Variants in RPTOR observed in about 807,000 individuals in gnomAD.
The protein encoded by RPTOR is regulatory associated protein of MTOR complex 1.
Under a neutral mutation model 169.9 loss-of-function variants are expected in RPTOR, and 21 were observed. The observed-to-expected ratio is 0.12, with a 90% CI of 0.09 to 0.18. RPTOR has a LOEUF of 0.18. Ranked by LOEUF, RPTOR falls within the 10% of genes least tolerant of loss-of-function variation. The pLI is 1.00. For synonymous variants in RPTOR, 732 were observed against 753.2 expected, an observed-to-expected ratio of 0.97 and a Z score of 0.46; for missense variants, 1,133 against 1,855.9, an observed-to-expected ratio of 0.61 and a Z score of 7.16.
intron 3 of RPTOR, among the ~76,000 whole-genome samples, chr17:80,669,539 C>G (rs567953533): frequency 2.6e-5 from 4 of 152,224 alleles, no homozygotes; most frequent in Admixed American, 2.6e-4. Context: ...CGTGCGCCAC[C>G]ATGCCCGGCT....
At chr17:80,691,605 C>T (rs9906827) in intron 3 of RPTOR, among the ~76,000 whole-genome samples, 62,106 of 152,050 alleles carry the variant, frequency 0.41, 13,265 homozygotes, top group East Asian at 0.57. Context: ...GCAGTTCTCG[C>T]GGTCCTCAAT....
intron 24 of RPTOR, among the ~76,000 whole-genome samples, chr17:80,931,428 G>T (rs963750096): frequency 6.6e-6 from 1 of 152,228 alleles, no homozygotes; most frequent in Non-Finnish European, 1.5e-5. Flanking sequence ...TGGACCAATG[G>T]AGAATCTCAA....
chr17:80,890,924 G>A (rs577634969), intron 17 of RPTOR, among the ~76,000 whole-genome samples: 5 of 152,198 alleles, frequency 3.3e-5, no homozygotes, highest in African/African-American at 7.2e-5. Flanking sequence ...GGCGTCACGC[G>A]ACTAGCAAGG....
intron 5 of RPTOR, among the ~76,000 whole-genome samples, chr17:80,739,884 C>A (rs1378349196): frequency 1.3e-5 from 2 of 151,692 alleles, no homozygotes; most frequent in African/African-American, 4.8e-5. Flanking sequence ...ATTCCTACTT[C>A]AAGAAATTGG....
At chr17:80,674,312 C>T (rs562358456) in intron 3 of RPTOR, among the ~76,000 whole-genome samples, 1 of 152,212 alleles carries the variant, frequency 6.6e-6, no homozygotes, top group South Asian at 2.1e-4. Flanking sequence ...AACATGAAAA[C>T]CCTTTGTACA....
intron 3 of RPTOR, among the ~76,000 whole-genome samples, chr17:80,689,157 G>A (rs895798918): frequency 3.3e-5 from 5 of 152,214 alleles, no homozygotes; most frequent in African/African-American, 1.2e-4. Flanking sequence ...TAAAGTGACA[G>A]GACTACCTTA....
At position 80,844,874 on chromosome 17, in the gene RPTOR, C is replaced by G. The variant is rs1482486706; in HGVS notation, c.1213-1599C>G. Reference sequence around the variant, plus strand: ...GGGAGGGTTCCTCCCGACCTCCTCTCAGAGACACGCACCTCCACTGCGGCC... The same window carrying G: ...GGGAGGGTTCCTCCCGACCTCCTCTGAGAGACACGCACCTCCACTGCGGCC... On this transcript the variant is annotated intron_variant, in intron 10 of 33. Transcript: ENST00000306801. This position sits in a 1 kb window ranked among gnomAD's most constrained non-coding sequence, Gnocchi z 4.7. Among the ~76,000 whole-genome samples, 1 of 152,122 alleles carries G rather than the reference C, an allele frequency of 6.6e-6. No homozygotes were observed. Among genetic ancestry groups the G allele is most frequent in the African/African-American group, 2.4e-5 (1 of 41,442 alleles).
At chr17:80,595,426 G>A (rs1056973535) in intron 1 of RPTOR, among the ~76,000 whole-genome samples, 2 of 152,140 alleles carry the variant, frequency 1.3e-5, no homozygotes, top group African/African-American at 2.4e-5. Flanking sequence ...TCTGTGATCT[G>A]CTGAGTTGGG....
chr17:80,746,247 AGCG>A lies in RPTOR; in HGVS notation c.655-7761_655-7759del, dbSNP rs2066573261. Among the ~76,000 whole-genome samples the A allele has an allele frequency of 1.4e-5, 2 of 138,190 alleles. No individual in the cohort carries two copies. The highest frequency in any genetic ancestry group is 3.2e-5 in the Non-Finnish European group (2 of 61,936). The allele number at this position is 138,190 out of a possible 152,430, so 90.7% of individuals were successfully genotyped here. Reference sequence around the variant, plus strand: ...TGCGGGTGATCCCCACCGCCCCCACAGCGGTGCTTTCTGCGGGTGATCCCCACC... The same window carrying A: ...TGCGGGTGATCCCCACCGCCCCCACAGTGCTTTCTGCGGGTGATCCCCACC... On this transcript the variant is annotated intron_variant, in intron 5 of 33. Coordinates refer to ENST00000306801, the MANE Select transcript of RPTOR (RefSeq NM_020761.3). The surrounding 1 kb of genome is among the most constrained non-coding windows in gnomAD (Gnocchi z 4.5).
In RPTOR at chr17:80,561,263, G is replaced by A. The variant is rs7223606; in HGVS notation, c.162+15472G>A. ...TTTATATATATATGTATATATATATGTATATATATATATATATATATATAT... is the reference window on the plus strand; with the variant it reads ...TTTATATATATATGTATATATATATATATATATATATATATATATATATAT... On this transcript the variant is annotated intron_variant, in intron 1 of 33. Transcript: ENST00000306801. 1.6e-3 allele frequency among the ~76,000 whole-genome samples: 31 copies of A among 19,614 alleles called. 1 individual carries two copies. The highest frequency in any genetic ancestry group is 2.7e-3 in the African/African-American group (30 of 10,940). The allele number at this position is 19,614 out of a possible 152,430, so 12.9% of individuals were successfully genotyped here. A position where few individuals can be genotyped will look rare whatever the true frequency, so the allele number is the denominator to read the frequency against.
intron 6 of RPTOR, among the ~76,000 whole-genome samples, chr17:80,776,211 A>C (rs1300509929): frequency 6.6e-6 from 1 of 152,202 alleles, no homozygotes; most frequent in East Asian, 1.9e-4. Flanking sequence ...GTCTCTTAAA[A>C]GAAAAAAATA....
intron 2 of RPTOR, 41 bp downstream of exon 2, chr17:80,625,834 G>GGCCAGA: frequency 7.1e-7 from 1 of 1,411,728 alleles, no homozygotes; most frequent in Non-Finnish European, 1.0e-6. Context: ...AAGGCCGTCT[G>GGCCAGA]GCCGGCTCTG....
intron 11 of RPTOR, 32 bp from the exon 12 acceptor site, chr17:80,855,432 G>A (rs780242266): frequency 1.4e-5 from 21 of 1,537,694 alleles, no homozygotes; most frequent in Non-Finnish European, 1.9e-5. Flanking sequence ...AGTATGGTTT[G>A]CAGTGATACC....
At position 80,634,610 on chromosome 17, in the gene RPTOR, TGTACTGTGTGC is replaced by T. The variant is rs1321821585; in HGVS notation, c.265+8820_265+8830del. The stretch of plus-strand genomic sequence containing the variant: ...GTACTGTGTGTGTGCGTACTGTGTG[TGTACTGTGTGC>T]GTGTGCGTACTGTGTGTGTGCATAC... On this transcript the variant is annotated intron_variant, in intron 2 of 33. Coordinates refer to ENST00000306801, the MANE Select transcript of RPTOR (RefSeq NM_020761.3). Among the ~76,000 whole-genome samples the T allele has an allele frequency of 4.0e-3, 65 of 16,224 alleles. 11 individuals are homozygous for T. Among genetic ancestry groups the T allele is most frequent in the African/African-American group, 0.022 (63 of 2,916 alleles). 10.6% of individuals were successfully genotyped at this position (16,224 alleles called of 152,430 possible).
intron 3 of RPTOR, among the ~76,000 whole-genome samples, chr17:80,701,918 C>T (rs112585108): frequency 6.9e-4 from 105 of 151,900 alleles, no homozygotes; most frequent in African/African-American, 2.0e-3. Context: ...CTCCTTGATC[C>T]ACACCAGCGG....
chr17:80,849,113 G>A (rs2067764972), intron 11 of RPTOR, among the ~76,000 whole-genome samples: 1 of 152,164 alleles, frequency 6.6e-6, no homozygotes, highest in African/African-American at 2.4e-5. Flanking sequence ...CCCGGGAGTG[G>A]CTTCTTTCTC....
At chr17:80,771,025 C>T (rs1380200271) in intron 6 of RPTOR, among the ~76,000 whole-genome samples, 3 of 152,228 alleles carry the variant, frequency 2.0e-5, no homozygotes, top group Admixed American at 1.3e-4. Flanking sequence ...TCGAGGTGAT[C>T]GCTGCCTTCT....
In RPTOR at chr17:80,634,298, TGTGTGCGTACTGTGC is replaced by T. The variant is rs1567830509; in HGVS notation, c.265+8517_265+8531del. Reference sequence around the variant, plus strand: ...GCGTACTGTGTGTGTGCGTACTGTGTGTGTGCGTACTGTGCGTGTGCGTACTATGTGCGTGTGCGT... The same window carrying T: ...GCGTACTGTGTGTGTGCGTACTGTGTGTGTGCGTACTATGTGCGTGTGCGT... On this transcript the variant is annotated intron_variant, in intron 2 of 33. Coordinates refer to ENST00000306801, the MANE Select transcript of RPTOR (RefSeq NM_020761.3). 1.0e-4 allele frequency among the ~76,000 whole-genome samples: 11 copies of T among 107,692 alleles called. No homozygotes were observed. The South Asian group carries it at 1.0e-3, about 10-fold the overall frequency. The allele number at this position is 107,692 out of a possible 152,430, so 70.7% of individuals were successfully genotyped here.
At chr17:80,776,779 C>G (rs750819999) in intron 6 of RPTOR, among the ~76,000 whole-genome samples, 1 of 152,170 alleles carries the variant, frequency 6.6e-6, no homozygotes, top group African/African-American at 2.4e-5. Flanking sequence ...AGGTCCTGTA[C>G]GTGACTGCAA....
Sources: gnomAD v4.1 joint callset for allele counts (sites outside exome capture counted in the v4.1 genomes callset) on GRCh38, gnomAD v4.1.1 for gene constraint, Gnocchi (gnomAD v3.1) non-coding constraint, MANE v1.5 for transcripts, NCBI Gene and HGNC (gene_info 2026-07-23, HGNC 2026-07-21) for gene names.